SKAP1: variants seen among roughly 807,000 people sequenced by gnomAD.
The protein encoded by SKAP1 is src kinase-associated phosphoprotein 1.
In SKAP1, 44 loss-of-function variants were observed where a neutral mutation model predicts 58.5. The observed-to-expected ratio is 0.75, with a 90% CI of 0.59 to 0.97. The LOEUF (loss-of-function observed/expected upper bound fraction) is 0.97, where lower values mean the gene tolerates loss of function less well. Among genes scored for constraint, SKAP1 ranks in the 50% least tolerant of loss-of-function variants. The pLI, the probability that SKAP1 is intolerant of heterozygous loss-of-function variation, is 0.00. For synonymous variants in SKAP1, 127 were observed against 149.7 expected (o/e 0.85, Z 1.11); for missense variants, 390 against 435.2 (o/e 0.90, Z 0.92).
intron 4 of SKAP1, among the ~76,000 whole-genome samples, chr17:48,240,970 A>C (rs1020369187): frequency 6.6e-6 from 1 of 152,204 alleles, no homozygotes; most frequent in African/African-American, 2.4e-5. Context: ...GTTGCCTTTA[A>C]AATTCTTCAT....
intron 4 of SKAP1, among the ~76,000 whole-genome samples, chr17:48,218,002 G>C (rs1319304122): frequency 1.3e-5 from 2 of 152,224 alleles, no homozygotes; most frequent in Non-Finnish European, 2.9e-5. Flanking sequence ...ATGAGATATT[G>C]TTGGATAAAC....
chr17:48,331,220 C>G (rs1239203068), intron 4 of SKAP1, among the ~76,000 whole-genome samples: 1 of 152,070 alleles, frequency 6.6e-6, no homozygotes, highest in Admixed American at 6.5e-5. Context: ...GAATAGAACA[C>G]AGAATCTTAG....
At chr17:48,378,291 T>C (rs2067175766) in intron 2 of SKAP1, among the ~76,000 whole-genome samples, 1 of 152,180 alleles carries the variant, frequency 6.6e-6, no homozygotes, top group Non-Finnish European at 1.5e-5. Context: ...AGGTCTGGGT[T>C]GAAGTCCCAG....
the SKAP1 span, among the ~76,000 whole-genome samples, chr17:48,435,504 G>C: frequency 6.6e-6 from 1 of 152,154 alleles, no homozygotes; most frequent in Non-Finnish European, 1.5e-5. Flanking sequence ...TAATTTTATA[G>C]ACTATAGACT....
chr17:48,156,134 T>C (rs562549497), intron 11 of SKAP1, among the ~76,000 whole-genome samples: 18 of 152,352 alleles, frequency 1.2e-4, no homozygotes, highest in Admixed American at 9.8e-4. Context: ...CGGCGTGTAT[T>C]TCAAACACAG....
At chr17:48,412,254 T>C (rs1222932997) in intron 1 of SKAP1, among the ~76,000 whole-genome samples, 2 of 152,248 alleles carry the variant, frequency 1.3e-5, no homozygotes, top group Non-Finnish European at 2.9e-5. Flanking sequence ...GTCCTTCCTT[T>C]GTGCCAGTCA....
At chr17:48,388,079 A>T (rs900713903) in intron 2 of SKAP1, among the ~76,000 whole-genome samples, 3 of 152,216 alleles carry the variant, frequency 2.0e-5, no homozygotes, top group African/African-American at 7.2e-5. Flanking sequence ...TTCTGAAACC[A>T]GAGTGAATAA....
intron 4 of SKAP1, among the ~76,000 whole-genome samples, chr17:48,302,097 G>C (rs2066066147): frequency 6.6e-6 from 1 of 152,086 alleles, no homozygotes; most frequent in Non-Finnish European, 1.5e-5. Context: ...ACTTAAAAAT[G>C]AATTCAAAAC....
chr17:48,180,069 A>G lies in SKAP1; in HGVS notation c.811T>C (p.Tyr271His). The G allele has an allele frequency of 1.9e-6, 3 of 1,591,684 alleles. No homozygotes were observed. The highest frequency in any genetic ancestry group is 2.6e-6 in the Non-Finnish European group (3 of 1,171,816). Residue 271 changes from tyrosine to histidine, a missense_variant, in exon 9 of 13, where the codon TAT becomes CAT. Tyr to His is a moderately conservative substitution (Grantham distance 83, BLOSUM62 2). Transcript: ENST00000336915. ...PTEEKEEEDI[Y>H]EVLPDEEHDL... ...AATTTCTCACCTGGCAAGACTTCAT[A>G]AATATCTTCTTCTTCTTTCTCCTCT...
chr17:48,274,092 TA>T (rs1005725977), intron 4 of SKAP1, among the ~76,000 whole-genome samples: 5 of 151,908 alleles, frequency 3.3e-5, no homozygotes, highest in East Asian at 1.9e-4. Flanking sequence ...CCTGGCTAAT[TA>T]AAAAAAATTT....
intron 3 of SKAP1, among the ~76,000 whole-genome samples, chr17:48,353,364 C>G (rs552767249): frequency 6.6e-6 from 1 of 152,188 alleles, no homozygotes; most frequent in East Asian, 1.9e-4. Flanking sequence ...GCAGGAAAAG[C>G]CTTTGAAAAA....
chr17:48,234,914 GC>G (rs1366670902), intron 4 of SKAP1, among the ~76,000 whole-genome samples: 4 of 152,176 alleles, frequency 2.6e-5, no homozygotes, highest in African/African-American at 9.7e-5. Flanking sequence ...TTGCCATAAA[GC>G]TTTTAGCCTT....
chr17:48,263,943 G>A (rs1245475118), intron 4 of SKAP1, among the ~76,000 whole-genome samples: 2 of 152,106 alleles, frequency 1.3e-5, no homozygotes, highest in Non-Finnish European at 2.9e-5. Flanking sequence ...GTGTCTGAAA[G>A]GGAGAGACAG....
rs751545061 is a variant in SKAP1, at chr17:48,345,939, G to A, written c.246C>T (p.Ser82=). 10 of 1,613,482 alleles carry A rather than the reference G, an allele frequency of 6.2e-6. No homozygotes were observed. The highest frequency in any genetic ancestry group is 3.3e-5 in the Admixed American group (2 of 59,966). The part of the protein sequence containing the change: ...HSGTLGLSLT[S]DAPFLSDYQD... ...GATAATCTGACAAAAAGGGTGCATC[G>A]GATGTGAGGGACAGGCCAAGAGTCC... The change falls in exon 4 of 13, where the codon TCC becomes TCT. Residue 82 remains serine, a synonymous_variant. Coordinates refer to ENST00000336915, the MANE Select transcript of SKAP1 (RefSeq NM_003726.4).
intron 4 of SKAP1, chr17:48,203,611 T>G (rs992837139): frequency 2.0e-5 from 3 of 152,208 alleles, no homozygotes; most frequent in African/African-American, 7.2e-5. Flanking sequence ...GTATAGCACC[T>G]TGGAAGCCTG....
chr17:48,349,940 C>T (rs1301208440), intron 3 of SKAP1, among the ~76,000 whole-genome samples: 1 of 152,164 alleles, frequency 6.6e-6, no homozygotes, highest in African/African-American at 2.4e-5. Flanking sequence ...TAGAAGTTGG[C>T]TTTTTCTGCC....
intron 11 of SKAP1, among the ~76,000 whole-genome samples, chr17:48,140,616 G>A (rs979622509): frequency 1.3e-5 from 2 of 152,086 alleles, no homozygotes; most frequent in Non-Finnish European, 2.9e-5. Flanking sequence ...AATTTAACAT[G>A]TAATCCTGCC....
chr17:48,182,545 A>C (rs1338271217), intron 7 of SKAP1, 88 bp from the exon 8 acceptor site: 5 of 866,598 alleles, frequency 5.8e-6, no homozygotes, highest in Non-Finnish European at 9.3e-6. Context: ...GGAACCACTG[A>C]GTTTCAGAGT....
intron 1 of SKAP1, among the ~76,000 whole-genome samples, chr17:48,405,397 CTTTCTTTCTTT>C (rs2067558596): frequency 2.4e-5 from 1 of 41,464 alleles, no homozygotes; most frequent in African/African-American, 9.4e-5. Context: ...TCTTTCCTTT[CTTTCTTTCTTT>C]CTTTCTTTCT....
Sources: allele counts gnomAD v4.1 joint callset (sites outside exome capture counted in the v4.1 genomes callset), GRCh38; gene constraint gnomAD v4.1.1; transcripts MANE v1.5; gene names NCBI Gene and HGNC (gene_info 2026-07-23, HGNC 2026-07-21).